Variants in PRKG1 observed in about 807,000 individuals in gnomAD.
The protein encoded by PRKG1 is cGMP-dependent protein kinase 1.
In PRKG1, 35 loss-of-function variants were observed where a neutral mutation model predicts 88.1. The observed-to-expected ratio is 0.40, with a 90% CI of 0.30 to 0.53. The LOEUF (loss-of-function observed/expected upper bound fraction) is 0.53. PRKG1 is among the 20% of genes least tolerant of loss of function. PRKG1 has a pLI of 0.59. For synonymous variants in PRKG1, 303 were observed against 292.5 expected (o/e 1.04, Z -0.37); for missense variants, 540 against 839.8 (o/e 0.64, Z 4.41).
intron 5 of PRKG1, among the ~76,000 whole-genome samples, chr10:51,932,792 C>A (rs550025653): frequency 7.9e-5 from 12 of 152,208 alleles, no homozygotes; most frequent in Middle Eastern, 3.4e-3. Context: ...TCAGTTACAT[C>A]TATTGACTGC....
intron 3 of PRKG1, among the ~76,000 whole-genome samples, chr10:51,515,669 A>C (rs1036466472): frequency 6.6e-6 from 1 of 152,124 alleles, no homozygotes; most frequent in Non-Finnish European, 1.5e-5. Context: ...TCTTTTGCTT[A>C]GCCCAATTCT....
At chr10:52,248,903 C>CT (rs1841093268) in intron 9 of PRKG1, among the ~76,000 whole-genome samples, 1 of 149,400 alleles carries the variant, frequency 6.7e-6, no homozygotes, top group South Asian at 2.1e-4. Context: ...CCTTTCCTTT[C>CT]TCTTTTCTTT....
At chr10:52,180,994 A>G (rs910559014) in intron 9 of PRKG1, among the ~76,000 whole-genome samples, 2 of 152,076 alleles carry the variant, frequency 1.3e-5, no homozygotes, top group African/African-American at 4.8e-5. Context: ...TCTCAGGTCC[A>G]TGATTTGGGT....
chr10:51,287,878 A>G (rs1034120594), intron 2 of PRKG1, among the ~76,000 whole-genome samples: 1 of 152,110 alleles, frequency 6.6e-6, no homozygotes, highest in Non-Finnish European at 1.5e-5. Context: ...TCACTTTTTA[A>G]GATTTGTTCT....
At chr10:51,503,026 T>G (rs557180207) in intron 3 of PRKG1, among the ~76,000 whole-genome samples, 1 of 152,298 alleles carries the variant, frequency 6.6e-6, no homozygotes, top group South Asian at 2.1e-4. Context: ...CATTTTTAAA[T>G]TTTAATCTCA....
intron 4 of PRKG1, among the ~76,000 whole-genome samples, chr10:51,847,756 G>T (rs80082721): frequency 7.1e-6 from 1 of 141,004 alleles, no homozygotes; most frequent in African/African-American, 2.6e-5. Context: ...CATGCCTGTA[G>T]TCCCAGTGGC....
rs368747870 is a variant in PRKG1, at chr10:51,254,324, C to T, written c.478+100994C>T. On this transcript the variant is annotated intron_variant, in intron 2 of 17. Coordinates refer to ENST00000373980, the MANE Select transcript of PRKG1 (RefSeq NM_006258.4). Reference sequence around the variant, plus strand: ...CGCTCATATTGTTATCCAATGTATACATTTTTGCATGTTATTGTGAAAATA... The same window carrying T: ...CGCTCATATTGTTATCCAATGTATATATTTTTGCATGTTATTGTGAAAATA... Among the ~76,000 whole-genome samples the T allele has an allele frequency of 1.1e-4, 17 of 152,018 alleles. No individual in the cohort carries two copies. In the South Asian group the frequency reaches 3.1e-3, roughly 28 times the overall value.
At chr10:51,253,776 A>G (rs1359688015) in intron 2 of PRKG1, among the ~76,000 whole-genome samples, 2 of 151,928 alleles carry the variant, frequency 1.3e-5, no homozygotes, top group Admixed American at 1.3e-4. Context: ...AGACTTTAGA[A>G]CTTTTCATCC....
chr10:51,243,429 A>G (rs1231076673), intron 2 of PRKG1, among the ~76,000 whole-genome samples: 1 of 152,060 alleles, frequency 6.6e-6, no homozygotes, highest in Non-Finnish European at 1.5e-5. Flanking sequence ...TAGGATCACC[A>G]TTTCCTGGCA....
chr10:51,868,157 T>G (rs1024921250), intron 4 of PRKG1, among the ~76,000 whole-genome samples: 11 of 152,082 alleles, frequency 7.2e-5, no homozygotes, highest in African/African-American at 2.7e-4. Flanking sequence ...TTGGCAATAT[T>G]GGAATAAGCA....
At chr10:52,262,721 C>G (rs1231743845) in intron 10 of PRKG1, among the ~76,000 whole-genome samples, 2 of 152,098 alleles carry the variant, frequency 1.3e-5, no homozygotes, top group South Asian at 4.1e-4. Flanking sequence ...TCACCAATAC[C>G]TCTTCCTGCT....
intron 3 of PRKG1, among the ~76,000 whole-genome samples, chr10:51,651,273 C>T (rs1417662981): frequency 6.6e-6 from 1 of 152,126 alleles, no homozygotes; most frequent in Admixed American, 6.5e-5. Flanking sequence ...AGGCCATTTT[C>T]CACTAGTCCT....
intron 1 of PRKG1, among the ~76,000 whole-genome samples, chr10:50,998,456 A>G (rs1842856747): frequency 6.6e-6 from 1 of 152,102 alleles, no homozygotes; most frequent in Admixed American, 6.6e-5. Context: ...TGTTGAAAAT[A>G]CATGGTTTAG....
rs1444980267 is a variant in PRKG1 at position 51,620,981 on chromosome 10, G to C, written c.592+153145G>C. Among the ~76,000 whole-genome samples, 16 of 122,204 alleles carry C rather than the reference G, an allele frequency of 1.3e-4. No homozygotes were observed. The East Asian group carries it at 4.1e-3, about 31-fold the overall frequency. 80.2% of individuals were successfully genotyped at this position (122,204 alleles called of 152,430 possible). ...ATTATGTTAAACTGATTCCGTATAT[G>C]TATGTGTGTGTGTGTGTGTATATGT... is the stretch of plus-strand genomic sequence containing the variant. On this transcript the variant is annotated intron_variant, in intron 3 of 17. Coordinates refer to ENST00000373980, the MANE Select transcript of PRKG1 (RefSeq NM_006258.4).
chr10:51,123,935 G>GA (rs1252032847), intron 1 of PRKG1, among the ~76,000 whole-genome samples: 5 of 152,138 alleles, frequency 3.3e-5, no homozygotes, highest in South Asian at 4.2e-4. Flanking sequence ...CCAGACCTCA[G>GA]AAAAAATCAC....
intron 2 of PRKG1, among the ~76,000 whole-genome samples, chr10:51,156,450 T>C (rs1321608529): frequency 1.8e-4 from 28 of 152,040 alleles, no homozygotes; most frequent in Admixed American, 1.8e-3. Context: ...TTCCTTTTAT[T>C]GCTAGATTGA....
chr10:51,859,705 C>T (rs577887429), intron 4 of PRKG1, among the ~76,000 whole-genome samples: 31 of 152,264 alleles, frequency 2.0e-4, no homozygotes, highest in African/African-American at 6.7e-4. Context: ...TTTATCTTTA[C>T]CTTCCAAACC....
At chr10:51,406,710 C>T (rs1049380545) in intron 2 of PRKG1, among the ~76,000 whole-genome samples, 7 of 150,066 alleles carry the variant, frequency 4.7e-5, no homozygotes, top group Non-Finnish European at 1.0e-4. Context: ...TAGGTGAATT[C>T]TCTGCTTATA....
intron 3 of PRKG1, among the ~76,000 whole-genome samples, chr10:51,554,583 A>C (rs1404806412): frequency 6.6e-6 from 1 of 151,280 alleles, no homozygotes; most frequent in Non-Finnish European, 1.5e-5. Context: ...AAGAGACACT[A>C]TCTTGATTCT....
Sources: allele counts gnomAD v4.1 joint callset (sites outside exome capture counted in the v4.1 genomes callset), GRCh38; gene constraint gnomAD v4.1.1; transcripts MANE v1.5; gene names NCBI Gene and HGNC (gene_info 2026-07-23, HGNC 2026-07-21).